PLCL1: variants seen among roughly 807,000 people sequenced by gnomAD.
PLCL1 encodes phospholipase C like 1 (inactive).
In PLCL1, 41 loss-of-function variants were observed where a neutral mutation model predicts 84.4. That is an observed-to-expected ratio of 0.49 (90% CI 0.38 to 0.63). PLCL1 has a LOEUF of 0.63. Among genes scored for constraint, PLCL1 ranks in the 30% least tolerant of loss-of-function variants. The pLI is 0.00. For synonymous variants in PLCL1, 490 were observed against 488.3 expected (o/e 1.00, Z -0.05); for missense variants, 1,206 against 1,367.8 (o/e 0.88, Z 1.87).
At chr2:197,808,417 A>G (rs1215721134) in intron 1 of PLCL1, among the ~76,000 whole-genome samples, 1 of 152,230 alleles carries the variant, frequency 6.6e-6, no homozygotes, top group African/African-American at 2.4e-5. Flanking sequence ...TATCAAACTT[A>G]TAGCATTTAA....
chr2:197,850,592 C>A (rs1042251200), intron 1 of PLCL1, among the ~76,000 whole-genome samples: 3 of 152,024 alleles, frequency 2.0e-5, no homozygotes, highest in Admixed American at 6.6e-5. Context: ...GTAGAATAAA[C>A]CCGAAGGCCA....
chr2:198,052,855 G>T (rs770232706), intron 1 of PLCL1, among the ~76,000 whole-genome samples: 1 of 152,082 alleles, frequency 6.6e-6, no homozygotes, highest in Non-Finnish European at 1.5e-5. Context: ...ATAAAATGAG[G>T]TACCTCCCCC....
intron 1 of PLCL1, among the ~76,000 whole-genome samples, chr2:197,838,041 A>G (rs1023856690): frequency 6.6e-6 from 1 of 152,206 alleles, no homozygotes; most frequent in African/African-American, 2.4e-5. Flanking sequence ...TATGTGGTGT[A>G]TAAAGTTTCT....
At chr2:198,135,488 G>C (rs1694234708) in intron 5 of PLCL1, among the ~76,000 whole-genome samples, 1 of 152,156 alleles carries the variant, frequency 6.6e-6, no homozygotes. Flanking sequence ...TTATTGAATG[G>C]TTCTTTTGTC....
At chr2:197,986,716 G>A (rs1690226899) in intron 1 of PLCL1, among the ~76,000 whole-genome samples, 2 of 152,116 alleles carry the variant, frequency 1.3e-5, no homozygotes, top group African/African-American at 4.8e-5. Context: ...GTTCTGAGAA[G>A]TCTTTCATTT....
intron 1 of PLCL1, among the ~76,000 whole-genome samples, chr2:197,891,815 A>C (rs1688034540): frequency 6.6e-6 from 1 of 152,170 alleles, no homozygotes; most frequent in African/African-American, 2.4e-5. Flanking sequence ...ATTACCTGGA[A>C]TCTTGTGAAA....
At chr2:198,053,664 G>A (rs1002860888) in intron 1 of PLCL1, among the ~76,000 whole-genome samples, 7 of 152,152 alleles carry the variant, frequency 4.6e-5, no homozygotes, top group East Asian at 1.9e-4. Context: ...AGTCCATTTC[G>A]GTAATCTAGC....
intron 1 of PLCL1, among the ~76,000 whole-genome samples, chr2:197,827,861 A>G (rs1183218514): frequency 2.6e-5 from 4 of 152,084 alleles, no homozygotes; most frequent in Non-Finnish European, 5.9e-5. Flanking sequence ...GAATATGATG[A>G]CTCACAGGGA....
At chr2:198,071,647 G>A (rs1431306341) in intron 1 of PLCL1, among the ~76,000 whole-genome samples, 2 of 151,550 alleles carry the variant, frequency 1.3e-5, no homozygotes, top group African/African-American at 4.8e-5. Flanking sequence ...AAATTTGTTT[G>A]TGAACAATTT....
chr2:197,895,570 A>G (rs942981014), intron 1 of PLCL1, among the ~76,000 whole-genome samples: 3 of 151,932 alleles, frequency 2.0e-5, no homozygotes, highest in African/African-American at 7.2e-5. Context: ...TTGGGTTGCT[A>G]GTTATAATGA....
At chr2:197,957,509 GAT>G (rs1258473005) in intron 1 of PLCL1, among the ~76,000 whole-genome samples, 3 of 152,070 alleles carry the variant, frequency 2.0e-5, no homozygotes, top group African/African-American at 7.2e-5. Context: ...GATTTTGCAT[GAT>G]ATTGGATACA....
At chr2:197,976,661 C>G (rs1368554790) in intron 1 of PLCL1, among the ~76,000 whole-genome samples, 1 of 152,146 alleles carries the variant, frequency 6.6e-6, no homozygotes, top group Non-Finnish European at 1.5e-5. Context: ...GTTGGCTGGG[C>G]TAGTCTCGAA....
chr2:198,052,888 A>G (rs1691975365), intron 1 of PLCL1, among the ~76,000 whole-genome samples: 1 of 152,230 alleles, frequency 6.6e-6, no homozygotes, highest in African/African-American at 2.4e-5. Context: ...CTGGAAGAAG[A>G]CTGGAGCCTC....
intron 1 of PLCL1, among the ~76,000 whole-genome samples, chr2:197,971,670 A>T (rs958523758): frequency 2.0e-5 from 3 of 152,250 alleles, no homozygotes; most frequent in Admixed American, 6.5e-5. Flanking sequence ...TGTGCATAGA[A>T]AGATATTACA....
intron 1 of PLCL1, among the ~76,000 whole-genome samples, chr2:197,876,829 C>G (rs1180786315): frequency 6.6e-6 from 1 of 152,098 alleles, no homozygotes; most frequent in East Asian, 1.9e-4. Flanking sequence ...TTCAACTGAG[C>G]TGCATACAGC....
intron 1 of PLCL1, among the ~76,000 whole-genome samples, chr2:197,967,011 G>C (rs769571952): frequency 6.6e-6 from 1 of 151,674 alleles, no homozygotes; most frequent in Non-Finnish European, 1.5e-5. Context: ...CCTGTAGCTA[G>C]AGTAAGGTCA....
chr2:198,000,646 G>A (rs911490437), intron 1 of PLCL1, among the ~76,000 whole-genome samples: 2 of 152,068 alleles, frequency 1.3e-5, no homozygotes, highest in Admixed American at 6.6e-5. Flanking sequence ...TTCACTTGAT[G>A]AATGAGCAAA....
At chr2:197,943,263 AT>A (rs1689198297) in intron 1 of PLCL1, among the ~76,000 whole-genome samples, 1 of 151,320 alleles carries the variant, frequency 6.6e-6, no homozygotes, top group Admixed American at 6.6e-5. Flanking sequence ...TTTATAAACT[AT>A]TTTTATTTTT....
chr2:197,863,535 G>C (rs1687472597), intron 1 of PLCL1, among the ~76,000 whole-genome samples: 1 of 152,008 alleles, frequency 6.6e-6, no homozygotes, highest in Non-Finnish European at 1.5e-5. Flanking sequence ...ATTCTGATTT[G>C]TTCTGTCTGT....
Sources: allele counts gnomAD v4.1 joint callset (sites outside exome capture counted in the v4.1 genomes callset), GRCh38; gene constraint gnomAD v4.1.1; transcripts MANE v1.5; gene names NCBI Gene and HGNC (gene_info 2026-07-23, HGNC 2026-07-21).